The following RSBN1 variants were observed in gnomAD, a reference collection of about 807,000 sequenced individuals.
RSBN1 encodes round spermatid basic protein 1.
RSBN1 carries 23 observed loss-of-function variants against 74.8 expected under a neutral mutation model. The observed-to-expected ratio is 0.31, with a 90% CI of 0.22 to 0.44. RSBN1 has a LOEUF of 0.44. Ranked by LOEUF, RSBN1 falls within the 20% of genes least tolerant of loss-of-function variation. The pLI, the probability that RSBN1 is intolerant of heterozygous loss-of-function variation, is 1.00. For missense variants in RSBN1, 808 were observed against 1,020.9 expected (o/e 0.79, Z 2.84); for synonymous variants, 407 against 379.6 (o/e 1.07, Z -0.84).
chr1:113,777,824 A>G lies in RSBN1; in HGVS notation c.1378-16T>C. ...TCCTGTTGACCTAAGATAAAACAAA[A>G]GAGGGAAAAATGGACTGAGGTACAA... On this transcript the variant is annotated splice_polypyrimidine_tract_variant and intron_variant, in intron 2 of 6. Transcript: ENST00000261441. The G allele has an allele frequency of 2.6e-6, 4 of 1,533,172 alleles. No individual in the cohort carries two copies. In the South Asian group the frequency reaches 4.0e-5, roughly 15 times the overall value. The allele number at this position is 1,533,172 out of a possible 1,614,324, so 95.0% of individuals were successfully genotyped here. A position where few individuals can be genotyped will look rare whatever the true frequency, so the allele number is the denominator to read the frequency against.
Position 113,781,757 on chromosome 1 carries a change from T to C in RSBN1, c.1378-3949A>G, listed in dbSNP as rs759315142. On this transcript the variant is annotated intron_variant, in intron 2 of 6. Transcript: ENST00000261441. Reference sequence around the variant, plus strand: ...TAATAATATTCATTTTCTCAGGTCCTAAATCAGGAATTGATAAATCCCTCT... The same window carrying C: ...TAATAATATTCATTTTCTCAGGTCCCAAATCAGGAATTGATAAATCCCTCT... Among the ~76,000 whole-genome samples, 30 of 152,308 alleles carry C rather than the reference T, an allele frequency of 2.0e-4. 1 individual carries two copies. Among genetic ancestry groups the C allele is most frequent in the Non-Finnish European group, 3.7e-4 (25 of 68,018 alleles).
chr1:113,777,897 C>T, intron 2 of RSBN1, 89 bp from the exon 3 acceptor site: 1 of 1,233,440 alleles, frequency 8.1e-7, no homozygotes, highest in Non-Finnish European at 1.1e-6. Flanking sequence ...TCCAACGTTG[C>T]CATTTCTTCT....
chr1:113,793,773 C>G (rs1660416524), intron 2 of RSBN1, among the ~76,000 whole-genome samples: 1 of 151,942 alleles, frequency 6.6e-6, no homozygotes, highest in Non-Finnish European at 1.5e-5. Flanking sequence ...CTCCACCTCC[C>G]AGGTTCAAGC....
At chr1:113,797,078 A>T (rs1365726352) in intron 2 of RSBN1, among the ~76,000 whole-genome samples, 1 of 152,188 alleles carries the variant, frequency 6.6e-6, no homozygotes, top group Non-Finnish European at 1.5e-5. Flanking sequence ...CTCCATACTA[A>T]CATTACCCGA....
chr1:113,796,344 A>G (rs956556523), intron 2 of RSBN1: 3 of 152,142 alleles, frequency 2.0e-5, no homozygotes, highest in Admixed American at 2.0e-4. Flanking sequence ...TGAAGCTCAT[A>G]AATCTAAACT....
intron 2 of RSBN1, chr1:113,796,366 T>C (rs1325320585): frequency 6.6e-6 from 1 of 152,102 alleles, no homozygotes; most frequent in African/African-American, 2.4e-5. Context: ...GATACTCCCC[T>C]CATTGGAGGC....
Position 113,812,142 on chromosome 1 carries a change from A to G in RSBN1, c.271T>C (p.Ser91Pro). 6.2e-7 allele frequency: 1 copy of G among 1,609,420 alleles called. No homozygotes were observed. Among genetic ancestry groups the G allele is most frequent in the Non-Finnish European group, 8.5e-7 (1 of 1,179,656 alleles). ...TTCTCCTGAGACCCCCCACTGCTAG[A>G]TCGGCGCTGCCGTTTAACTCCCCGC... Reference protein sequence around the residue: ...SPRGVKRQRRSSSGGSQEKRG... With the variant: ...SPRGVKRQRRPSSGGSQEKRG... The change falls in exon 1 of 7, where the codon TCT (serine) becomes CCT (proline). Residue 91 changes from serine (S) to proline (P), a missense_variant. By Grantham distance (74) the Ser-to-Pro change is moderately conservative. Coordinates refer to ENST00000261441, the MANE Select transcript of RSBN1 (RefSeq NM_018364.5).
chr1:113,812,316 C>G lies in RSBN1; in HGVS notation c.97G>C (p.Ala33Pro), dbSNP rs1293045410. 2 of 1,604,016 alleles carry G rather than the reference C, an allele frequency of 1.2e-6. No homozygotes were observed. The highest frequency in any genetic ancestry group is 1.7e-6 in the Non-Finnish European group (2 of 1,179,792). ...GSARAALARC[A>P]DGGAVGPFKC... ...AATGGCCCGACCGCCCCCCCGTCCG[C>G]GCATCGCGCAAGCGCCGCCCGCGCA... The change falls in exon 1 of 7, where the codon GCG becomes CCG. Residue 33 changes from alanine to proline, a missense_variant. Around this residue, in one of 6 missense-constraint regions of RSBN1, gnomAD observed 464 missense variants for 401.0 expected, o/e 1.16. Coordinates refer to ENST00000261441, the MANE Select transcript of RSBN1 (RefSeq NM_018364.5).
chr1:113,796,106 T>C (rs568736568), intron 2 of RSBN1: 5 of 152,160 alleles, frequency 3.3e-5, no homozygotes, highest in Non-Finnish European at 5.9e-5. Context: ...ATAGGATTCC[T>C]TGACCTTCAA....
At chr1:113,768,519 G>C (rs999329776) in intron 4 of RSBN1, 130 bp from the exon 5 acceptor site, 10 of 576,630 alleles carry the variant, frequency 1.7e-5, no homozygotes, top group African/African-American at 1.5e-4. Context: ...GACTGAGAAG[G>C]GTTCAATGAT....
At chr1:113,788,992 T>A (rs558326451) in intron 2 of RSBN1, among the ~76,000 whole-genome samples, 2 of 152,278 alleles carry the variant, frequency 1.3e-5, no homozygotes, top group African/African-American at 4.8e-5. Context: ...AGTGTGATAT[T>A]GTGCAATATG....
Position 113,767,021 on chromosome 1 carries a change from T to G in RSBN1, c.1935+78A>C. The G allele has an allele frequency of 7.9e-6, 6 of 764,070 alleles. No homozygotes were observed. The South Asian group carries it at 1.1e-4, about 14-fold the overall frequency. The allele number at this position is 764,070 out of a possible 1,614,324, so 47.3% of individuals were successfully genotyped here. The stretch of plus-strand genomic sequence containing the variant: ...ACTCACTATCCCACATATCAGACTG[T>G]AAGATAAAATTCAAAATAAAATGGG... On this transcript the variant is annotated intron_variant, in intron 6 of 6. Coordinates refer to ENST00000261441, the MANE Select transcript of RSBN1 (RefSeq NM_018364.5).
At chr1:113,791,025 C>T (rs1474247651) in intron 2 of RSBN1, among the ~76,000 whole-genome samples, 1 of 152,060 alleles carries the variant, frequency 6.6e-6, no homozygotes, top group Admixed American at 6.6e-5. Context: ...TACAGCTTTC[C>T]GGAGTTTATG....
At chr1:113,777,380 A>C in intron 3 of RSBN1, 28 bp from the exon 4 acceptor site, 1 of 1,582,122 alleles carries the variant, frequency 6.3e-7, no homozygotes, top group East Asian at 2.3e-5. Flanking sequence ...TAGTCACATT[A>C]AAAAATTGTT....
intron 4 of RSBN1, among the ~76,000 whole-genome samples, chr1:113,771,714 C>A (rs1044810034): frequency 6.9e-6 from 1 of 144,072 alleles, no homozygotes; most frequent in Non-Finnish European, 1.5e-5. Context: ...ACCCTATAAG[C>A]AGTAAGGAGA....
chr1:113,773,939 G>A (rs964127033), intron 4 of RSBN1, among the ~76,000 whole-genome samples: 1 of 152,022 alleles, frequency 6.6e-6, no homozygotes, highest in Admixed American at 6.6e-5. Context: ...GGAGGCGGAG[G>A]TTGCAGTGAG....
At chr1:113,802,058 G>A (rs1660596225) in intron 1 of RSBN1, among the ~76,000 whole-genome samples, 1 of 151,676 alleles carries the variant, frequency 6.6e-6, no homozygotes, top group Non-Finnish European at 1.5e-5. Context: ...AAGTTCAAGT[G>A]ATTCTCCCAC....
intron 4 of RSBN1, among the ~76,000 whole-genome samples, chr1:113,771,389 TA>T (rs1659882232): frequency 6.6e-6 from 1 of 152,032 alleles, no homozygotes; most frequent in African/African-American, 2.4e-5. Flanking sequence ...GAAATAAATC[TA>T]GGAAAACAAC....
intron 1 of RSBN1, among the ~76,000 whole-genome samples, chr1:113,810,390 C>A (rs1028930703): frequency 6.6e-6 from 1 of 151,246 alleles, no homozygotes; most frequent in African/African-American, 2.4e-5. Flanking sequence ...TTAAAACACA[C>A]ACACACACAC....
Sources: allele counts gnomAD v4.1 joint callset (sites outside exome capture counted in the v4.1 genomes callset), GRCh38; gene constraint gnomAD v4.1.1; regional missense constraint gnomAD v4.1.1; transcripts MANE v1.5; gene names NCBI Gene and HGNC (gene_info 2026-07-23, HGNC 2026-07-21).